TXLNB: variants seen among roughly 807,000 people sequenced by gnomAD.
The protein encoded by TXLNB is beta-taxilin.
Under a neutral mutation model 57.4 loss-of-function variants are expected in TXLNB, and 37 were observed. The observed-to-expected ratio is 0.64, with a 90% CI of 0.50 to 0.85. The LOEUF (loss-of-function observed/expected upper bound fraction) is 0.85. TXLNB is among the 40% of genes least tolerant of loss of function. The pLI, the probability that TXLNB is intolerant of heterozygous loss-of-function variation, is 0.00. For missense variants in TXLNB, 848 were observed against 825.6 expected, an observed-to-expected ratio of 1.03 and a Z score of -0.33; for synonymous variants, 302 against 309.6, an observed-to-expected ratio of 0.98 and a Z score of 0.26.
intron 7 of TXLNB, among the ~76,000 whole-genome samples, chr6:139,254,110 G>A (rs536816302): frequency 6.6e-6 from 1 of 152,270 alleles, no homozygotes; most frequent in African/African-American, 2.4e-5. Context: ...TATGTATCTA[G>A]TGTATTAAGA....
At chr6:139,208,451 T>C in the TXLNB span, among the ~76,000 whole-genome samples, 3,544 of 152,176 alleles carry the variant, frequency 0.023, 139 homozygotes, top group African/African-American at 0.081. Flanking sequence ...ATGAAGCCAA[T>C]ATCATCCTAA....
At chr6:139,170,133 A>G in the TXLNB span, 1 of 152,194 alleles carries the variant, frequency 6.6e-6, no homozygotes, top group South Asian at 2.1e-4. Flanking sequence ...AAGTGGATGG[A>G]AACACCTTTA....
chr6:139,170,331 A>G, the TXLNB span: 3 of 152,218 alleles, frequency 2.0e-5, no homozygotes, highest in Non-Finnish European at 2.9e-5. Flanking sequence ...TCATCAATTT[A>G]TAATCTTAGG....
At chr6:139,167,389 A>G in the TXLNB span, 4 of 1,305,890 alleles carry the variant, frequency 3.1e-6, 1 homozygote, top group Non-Finnish European at 4.3e-6. Flanking sequence ...AACAAGACAG[A>G]TTGCTCTATT....
At position 139,262,709 on chromosome 6, in the gene TXLNB, T is replaced by TG. The variant is rs764019884; in HGVS notation, c.751dup (p.Gln251ProfsTer16). 51 of 1,614,208 alleles carry TG rather than the reference T, an allele frequency of 3.2e-5. No homozygotes were observed. The highest frequency in any genetic ancestry group is 4.2e-5 in the Non-Finnish European group (49 of 1,180,016). ...GCCCTGGATGTCCGTGAGGGTACTCTGGAAATGGCTTGTGATTTCCTTCCT... is the reference window on the plus strand; with the variant it reads ...GCCCTGGATGTCCGTGAGGGTACTCTGGGAAATGGCTTGTGATTTCCTTCCT... On this transcript the variant is annotated frameshift_variant, in exon 5 of 10. Transcript: ENST00000358430. LOFTEE classifies it high-confidence loss of function.
the TXLNB span, among the ~76,000 whole-genome samples, chr6:139,222,769 T>C: frequency 1.3e-5 from 2 of 152,052 alleles, no homozygotes; most frequent in African/African-American, 4.8e-5. Context: ...ATTGCGCCAC[T>C]GCACTCCAGC....
At chr6:139,176,945 G>A in the TXLNB span, 2 of 871,202 alleles carry the variant, frequency 2.3e-6, no homozygotes, top group Non-Finnish European at 4.0e-6. This position sits in a 1 kb window ranked among gnomAD's most constrained non-coding sequence, Gnocchi z 4.5. Flanking sequence ...CCCCAGGCCC[G>A]CCTGAACTGT....
chr6:139,323,306 G>A, the TXLNB span, among the ~76,000 whole-genome samples: 2 of 141,510 alleles, frequency 1.4e-5, no homozygotes, highest in Non-Finnish European at 3.0e-5. Flanking sequence ...TTTTTGAAAC[G>A]GAGTCTCGCT....
chr6:139,319,458 C>T, the TXLNB span, among the ~76,000 whole-genome samples: 2 of 151,594 alleles, frequency 1.3e-5, no homozygotes, highest in African/African-American at 4.9e-5. Flanking sequence ...GGTTGGAGTG[C>T]AGTGGCATGA....
chr6:139,190,256 C>T, the TXLNB span, among the ~76,000 whole-genome samples: 3 of 150,874 alleles, frequency 2.0e-5, no homozygotes, highest in African/African-American at 7.3e-5. Flanking sequence ...AGTCTAAGAT[C>T]AAGGTGCCAA....
the TXLNB span, among the ~76,000 whole-genome samples, chr6:139,169,205 T>TAG: frequency 4.0e-4 from 61 of 152,236 alleles, no homozygotes; most frequent in African/African-American, 1.3e-3. Context: ...AAACTCTCAT[T>TAG]AATCAGATAT....
At chr6:139,313,014 T>C in the TXLNB span, among the ~76,000 whole-genome samples, 2 of 152,220 alleles carry the variant, frequency 1.3e-5, no homozygotes, top group African/African-American at 4.8e-5. Context: ...TACTCATCCC[T>C]GAGTTTCTCT....
At chr6:139,236,461 T>C (rs1775837669), downstream of TXLNB, among the ~76,000 whole-genome samples, 1 of 151,720 alleles carries the variant, frequency 6.6e-6, no homozygotes, top group African/African-American at 2.4e-5. Context: ...ATTTCAATAG[T>C]GAGTGAGTTC....
chr6:139,304,146 G>A, the TXLNB span, among the ~76,000 whole-genome samples: 3 of 152,000 alleles, frequency 2.0e-5, no homozygotes, highest in East Asian at 1.9e-4. Context: ...AATAAATAAC[G>A]GGAAGTATTT....
At chr6:139,160,859 CTT>C in the TXLNB span, among the ~76,000 whole-genome samples, 1 of 152,182 alleles carries the variant, frequency 6.6e-6, no homozygotes, top group African/African-American at 2.4e-5. Context: ...TTTTATGAAA[CTT>C]TACTATTTAT....
the TXLNB span, among the ~76,000 whole-genome samples, chr6:139,210,334 A>G: frequency 2.0e-5 from 3 of 152,262 alleles, no homozygotes; most frequent in East Asian, 1.9e-4. Flanking sequence ...TAGAACTACC[A>G]TCCAATCTAG....
At chr6:139,175,423 T>A in the TXLNB span, among the ~76,000 whole-genome samples, 1 of 152,232 alleles carries the variant, frequency 6.6e-6, no homozygotes. Flanking sequence ...GAGAGTATCT[T>A]TACTATTATC....
the TXLNB span, among the ~76,000 whole-genome samples, chr6:139,212,642 T>C: frequency 6.6e-6 from 1 of 152,120 alleles, no homozygotes; most frequent in Admixed American, 6.6e-5. Context: ...TAACCTTAAA[T>C]GTAAATGGGC....
At chr6:139,297,324 A>G in the TXLNB span, among the ~76,000 whole-genome samples, 1 of 152,228 alleles carries the variant, frequency 6.6e-6, no homozygotes, top group African/African-American at 2.4e-5. Flanking sequence ...GTAGCAGTCC[A>G]GTAATGAAAT....
Sources: gnomAD v4.1 joint callset for allele counts (sites outside exome capture counted in the v4.1 genomes callset) on GRCh38, gnomAD v4.1.1 for gene constraint, Gnocchi (gnomAD v3.1) non-coding constraint, MANE v1.5 for transcripts, NCBI Gene and HGNC (gene_info 2026-07-23, HGNC 2026-07-21) for gene names.